ZNF430: variants seen among roughly 807,000 people sequenced by gnomAD.
ZNF430 encodes the protein zinc finger protein 430.
A neutral mutation model predicts 56.7 loss-of-function variants in ZNF430; 35 were observed. The observed-to-expected ratio is 0.62, with a 90% confidence interval of 0.47 to 0.82. The LOEUF is 0.82. ZNF430 is among the 40% of genes least tolerant of loss of function. ZNF430 has a pLI of 0.00. For missense variants in ZNF430, 574 were observed against 661.0 expected, an observed-to-expected ratio of 0.87 and a Z score of 1.44; for synonymous variants, 212 against 224.3, an observed-to-expected ratio of 0.94 and a Z score of 0.49.
chr19:21,029,150 G>A (rs1967856555), intron 2 of ZNF430, among the ~76,000 whole-genome samples: 1 of 152,166 alleles, frequency 6.6e-6, no homozygotes, highest in Non-Finnish European at 1.5e-5. Context: ...AACAGATGAA[G>A]CAGTCATGAT....
rs1974280289 is a variant in ZNF430 at position 21,020,706 on chromosome 19, C to G, written c.-95C>G. On this transcript the variant is annotated 5_prime_UTR_variant, in exon 1 of 5. Transcript: ENST00000261560. ...AGGTCTCGTCTTCAGCGCTCTGTGT[C>G]CTCTGCTCCTAGAGGTCCAGGCTCT... 1 of 1,553,960 alleles carries G rather than the reference C, an allele frequency of 6.4e-7. No homozygotes were observed. The highest frequency in any genetic ancestry group is 8.9e-7 in the Non-Finnish European group (1 of 1,127,670).
rs186403341 is a variant in ZNF430, at chr19:21,042,162, A to G, written c.322+7978A>G. On this transcript the variant is annotated intron_variant, in intron 4 of 4. Coordinates refer to ENST00000261560, the MANE Select transcript of ZNF430 (RefSeq NM_025189.4). ...CTCTTATTCTTTTTTATGGTTGCAT[A>G]GTATTCCATAGTGTATATGTACCAC... 8.5e-5 allele frequency among the ~76,000 whole-genome samples: 13 copies of G among 152,324 alleles called. 1 individual carries two copies. Among genetic ancestry groups the G allele is most frequent in the Admixed American group, 6.5e-4 (10 of 15,310 alleles).
chr19:21,038,839 C>A (rs1187712047), intron 4 of ZNF430, among the ~76,000 whole-genome samples: 1 of 152,156 alleles, frequency 6.6e-6, no homozygotes, highest in African/African-American at 2.4e-5. Context: ...TGTAATAAAA[C>A]TGTGCTATTG....
rs140895880 is a variant in ZNF430, at chr19:21,053,947, C to G, written c.323-2684C>G. ...TATACAAATATATTATTTGTGCTAT[C>G]TTGGGGATTACATAAAACCTCTAAA... On this transcript the variant is annotated intron_variant, in intron 4 of 4. Transcript: ENST00000261560. Among the ~76,000 whole-genome samples, 636 of 151,148 alleles carry G rather than the reference C, an allele frequency of 4.2e-3. 5 individuals carry two copies. The highest frequency in any genetic ancestry group is 0.014 in the African/African-American group (584 of 41,230).
intron 2 of ZNF430, among the ~76,000 whole-genome samples, chr19:21,025,330 G>A (rs1019158449): frequency 2.0e-5 from 3 of 152,296 alleles, no homozygotes; most frequent in East Asian, 1.9e-4. Context: ...CATGGCACTG[G>A]TGGGAGTGTA....
At chr19:21,023,138 G>GA (rs1231518485) in intron 2 of ZNF430, among the ~76,000 whole-genome samples, 1 of 152,222 alleles carries the variant, frequency 6.6e-6, no homozygotes, top group Non-Finnish European at 1.5e-5. Context: ...ACCCCAGTGA[G>GA]ATGGCGTAAG....
chr19:21,022,899 TA>T lies in ZNF430; in HGVS notation c.96+22del. On this transcript the variant is annotated intron_variant, in intron 2 of 4. Coordinates refer to ENST00000261560, the MANE Select transcript of ZNF430 (RefSeq NM_025189.4). ...ATGAAAAGGTAACCCCTTGAGATGT[TA>T]AAATTGTCTTCACCCAACCCAGCTT... The T allele has an allele frequency of 1.9e-6, 3 of 1,565,012 alleles. No homozygotes were observed. The highest frequency in any genetic ancestry group is 1.8e-6 in the Non-Finnish European group (2 of 1,135,272).
At chr19:21,042,499 G>A (rs560365158) in intron 4 of ZNF430, among the ~76,000 whole-genome samples, 249 of 151,974 alleles carry the variant, frequency 1.6e-3, no homozygotes, top group Middle Eastern at 0.014. Context: ...TAATAATCAC[G>A]ATTCTTGGCC....
rs147302415 is a variant in ZNF430, at chr19:21,034,165, G to A, written c.303G>A (p.Ala101=). Residue 101 remains alanine (A), a synonymous_variant, in exon 4 of 5, where the codon GCG becomes GCA. Coordinates refer to ENST00000261560, the MANE Select transcript of ZNF430 (RefSeq NM_025189.4). ...GKEPWNMKRH[A]MVDQPPVTYS... Reference sequence around the variant, plus strand: ...AGCCCTGGAATATGAAGAGACATGCGATGGTAGATCAACCCCCAGGTAGGT... The same window carrying A: ...AGCCCTGGAATATGAAGAGACATGCAATGGTAGATCAACCCCCAGGTAGGT... 13 of 1,611,890 alleles carry A rather than the reference G, an allele frequency of 8.1e-6. No individual in the cohort carries two copies. Among genetic ancestry groups the A allele is most frequent in the South Asian group, 4.4e-5 (4 of 90,762 alleles).
intron 2 of ZNF430, among the ~76,000 whole-genome samples, chr19:21,031,320 C>A (rs952388026): frequency 6.6e-6 from 1 of 152,056 alleles, no homozygotes; most frequent in African/African-American, 2.4e-5. Flanking sequence ...TAAGGTGAGG[C>A]CAGAATCAAG....
chr19:21,054,984 C>A (rs1189961301), intron 4 of ZNF430, among the ~76,000 whole-genome samples: 3 of 151,754 alleles, frequency 2.0e-5, no homozygotes, highest in Admixed American at 6.6e-5. Context: ...GTCATTTTTT[C>A]TTTCAGGATT....
chr19:21,056,958 T>G lies in ZNF430; in HGVS notation c.650T>G (p.Leu217Arg), dbSNP rs1968389896. The part of the protein sequence containing the change: ...CKKCDKSFCM[L>R]LHLTQHKRIH... ...AAATGTGACAAATCGTTTTGCATGCTTTTACACCTAACTCAACATAAAAGA... is the reference window on the plus strand; with the variant it reads ...AAATGTGACAAATCGTTTTGCATGCGTTTACACCTAACTCAACATAAAAGA... Residue 217 changes from leucine to arginine, a missense_variant, in exon 5 of 5, where the codon CTT (leucine) becomes CGT (arginine). By Grantham distance (102) the Leu-to-Arg change is moderately radical (BLOSUM62 -2). Transcript: ENST00000261560. The G allele has an allele frequency of 1.9e-6, 3 of 1,613,988 alleles. No individual in the cohort carries two copies. The East Asian group carries it at 6.7e-5, about 36-fold the overall frequency.
At chr19:21,055,542 G>A (rs948217893) in intron 4 of ZNF430, among the ~76,000 whole-genome samples, 39 of 151,726 alleles carry the variant, frequency 2.6e-4, no homozygotes, top group African/African-American at 9.0e-4. Context: ...TCCGCCACCT[G>A]GGTTCAAGTG....
chr19:21,049,205 A>T (rs1280703547), intron 4 of ZNF430, among the ~76,000 whole-genome samples: 1 of 150,962 alleles, frequency 6.6e-6, no homozygotes, highest in African/African-American at 2.4e-5. Context: ...AAAGTAAAAA[A>T]GATATATTTT....
At chr19:21,034,218 TG>T (rs768953539) in intron 4 of ZNF430, 34 bp downstream of exon 4, 2 of 1,379,920 alleles carry the variant, frequency 1.4e-6, no homozygotes, top group South Asian at 2.8e-5. Flanking sequence ...ACGACATGAA[TG>T]AGAGGTCCAA....
At chr19:21,034,522 T>C (rs906060444) in intron 4 of ZNF430, 5 of 193,874 alleles carry the variant, frequency 2.6e-5, no homozygotes, top group African/African-American at 1.2e-4. Context: ...TAAACTATTT[T>C]CTTTTCTTTT....
intron 2 of ZNF430, among the ~76,000 whole-genome samples, chr19:21,026,965 G>A (rs1967813472): frequency 6.7e-6 from 1 of 150,204 alleles, no homozygotes; most frequent in Non-Finnish European, 1.5e-5. Flanking sequence ...GAGTAGCTGG[G>A]ACTACAGGCA....
chr19:21,042,742 C>T (rs916410525), intron 4 of ZNF430, among the ~76,000 whole-genome samples: 20 of 151,594 alleles, frequency 1.3e-4, no homozygotes, highest in African/African-American at 2.9e-4. Flanking sequence ...GAGCCGAGAT[C>T]GCGCCACTGC....
At chr19:21,043,151 T>C (rs1369690034) in intron 4 of ZNF430, among the ~76,000 whole-genome samples, 3 of 152,218 alleles carry the variant, frequency 2.0e-5, no homozygotes, top group Non-Finnish European at 2.9e-5. Flanking sequence ...AGTTTTGCTT[T>C]TGTTGCAGTT....
Sources: gnomAD v4.1 joint callset for allele counts (sites outside exome capture counted in the v4.1 genomes callset) on GRCh38, gnomAD v4.1.1 for gene constraint, MANE v1.5 for transcripts, NCBI Gene and HGNC (gene_info 2026-07-23, HGNC 2026-07-21) for gene names.